RAP1GAP2: variants seen among roughly 807,000 people sequenced by gnomAD.
RAP1GAP2 encodes rap1 GTPase-activating protein 2.
Under a neutral mutation model 95.0 loss-of-function variants are expected in RAP1GAP2, and 27 were observed. The ratio of observed to expected loss-of-function variants is 0.28; its 90% CI spans 0.21 to 0.39. The LOEUF is 0.39. RAP1GAP2 is among the 10% of genes least tolerant of loss of function. The pLI is 1.00. For missense variants in RAP1GAP2, 771 were observed against 970.0 expected (o/e 0.79, Z 2.72); for synonymous variants, 373 against 380.9 (o/e 0.98, Z 0.24).
chr17:3,005,462 C>A lies in RAP1GAP2; in HGVS notation c.1272+22C>A, dbSNP rs763792142. 1.9e-6 allele frequency: 3 copies of A among 1,598,228 alleles called. No individual in the cohort carries two copies. The highest frequency in any genetic ancestry group is 2.6e-6 in the Non-Finnish European group (3 of 1,165,718). On this transcript the variant is annotated intron_variant, in intron 15 of 24. Transcript: ENST00000254695. This position sits in a 1 kb window ranked among gnomAD's most constrained non-coding sequence, Gnocchi z 5.2. ...GAAGGTAGGACACTCTTCCTTCTGCCCCTCTCGCATCCACGATGCCAGGTC... is the reference window on the plus strand; with the variant it reads ...GAAGGTAGGACACTCTTCCTTCTGCACCTCTCGCATCCACGATGCCAGGTC...
chr17:2,917,832 C>G (rs1400354416), intron 3 of RAP1GAP2, among the ~76,000 whole-genome samples: 1 of 152,100 alleles, frequency 6.6e-6, no homozygotes, highest in Non-Finnish European at 1.5e-5. Context: ...TCTCCTGCCT[C>G]AGCTTCCCAA....
chr17:2,874,242 C>T (rs781190054), intron 2 of RAP1GAP2, among the ~76,000 whole-genome samples: 2 of 152,182 alleles, frequency 1.3e-5, no homozygotes, highest in Non-Finnish European at 2.9e-5. Context: ...GTACACCCTC[C>T]CTCCCCTTTC....
intron 13 of RAP1GAP2, among the ~76,000 whole-genome samples, chr17:2,995,672 C>A (rs2045928025): frequency 6.6e-6 from 1 of 152,238 alleles, no homozygotes; most frequent in Non-Finnish European, 1.5e-5. Flanking sequence ...GTGTTTCTGG[C>A]CGAGGCCACA....
chr17:2,913,187 GAAAA>G (rs961144824), intron 3 of RAP1GAP2, among the ~76,000 whole-genome samples: 1 of 147,666 alleles, frequency 6.8e-6, no homozygotes, highest in East Asian at 2.2e-4. Flanking sequence ...CAAAAAAAAA[GAAAA>G]AGAAAACATG....
intron 2 of RAP1GAP2, among the ~76,000 whole-genome samples, chr17:2,829,720 G>A (rs1361215232): frequency 6.6e-6 from 1 of 152,150 alleles, no homozygotes; most frequent in African/African-American, 2.4e-5. Context: ...GTGGCCTCCT[G>A]GCTGTCGGAT....
chr17:2,979,528 A>G (rs756032906), intron 8 of RAP1GAP2, among the ~76,000 whole-genome samples: 73 of 140,546 alleles, frequency 5.2e-4, no homozygotes, highest in Non-Finnish European at 7.6e-4. Context: ...GTGCAGTGGC[A>G]CAATCTCGGC....
chr17:2,915,859 G>A (rs1353426931), intron 3 of RAP1GAP2, among the ~76,000 whole-genome samples: 2 of 151,920 alleles, frequency 1.3e-5, no homozygotes, highest in Admixed American at 6.6e-5. Context: ...CACCACACCT[G>A]GCTGATTTTT....
chr17:2,821,605 C>T (rs905474329), intron 2 of RAP1GAP2, among the ~76,000 whole-genome samples: 1 of 151,380 alleles, frequency 6.6e-6, no homozygotes, highest in Admixed American at 6.6e-5. Flanking sequence ...AACTCCTGGT[C>T]TCAAGCAATC....
chr17:2,893,688 C>T (rs8065651), intron 2 of RAP1GAP2, among the ~76,000 whole-genome samples: 94,612 of 152,104 alleles, frequency 0.62, 29,731 homozygotes, highest in South Asian at 0.72. Context: ...CGCTGGCTGC[C>T]TCTGCTCTGA....
At chr17:2,958,375 T>C (rs1291883500) in intron 4 of RAP1GAP2, among the ~76,000 whole-genome samples, 2 of 152,056 alleles carry the variant, frequency 1.3e-5, no homozygotes, top group African/African-American at 4.8e-5. Context: ...GGGTTCTTCG[T>C]TGTTCCTCAC....
chr17:3,005,493 G>C lies in RAP1GAP2; in HGVS notation c.1272+53G>C, dbSNP rs542778137. Reference sequence around the variant, plus strand: ...CGCATCCACGATGCCAGGTCTCAGTGCTTGAGTAGCAATGGTTGGGATGGA... The same window carrying C: ...CGCATCCACGATGCCAGGTCTCAGTCCTTGAGTAGCAATGGTTGGGATGGA... On this transcript the variant is annotated intron_variant, in intron 15 of 24. Transcript: ENST00000254695. This position sits in a 1 kb window ranked among gnomAD's most constrained non-coding sequence, Gnocchi z 5.2. 1.1e-4 allele frequency: 178 copies of C among 1,552,238 alleles called. 2 individuals are homozygous for C. The South Asian group carries it at 1.9e-3, about 17-fold the overall frequency.
chr17:2,899,079 C>A (rs2041936774), intron 2 of RAP1GAP2, among the ~76,000 whole-genome samples: 1 of 152,222 alleles, frequency 6.6e-6, no homozygotes, highest in African/African-American at 2.4e-5. Context: ...GCCTTTTGTG[C>A]CTGGCTCCTG....
At chr17:2,811,589 GT>G (rs1170577182) in intron 2 of RAP1GAP2, among the ~76,000 whole-genome samples, 19 of 151,816 alleles carry the variant, frequency 1.3e-4, no homozygotes, top group Admixed American at 9.2e-4. Flanking sequence ...TTGTTTTTTT[GT>G]TTTTTGAGAC....
intron 1 of RAP1GAP2, among the ~76,000 whole-genome samples, chr17:2,778,158 T>G (rs1374777879): frequency 7.4e-6 from 1 of 134,882 alleles, no homozygotes; most frequent in Non-Finnish European, 1.6e-5. Context: ...CAAGCTGTGG[T>G]GCTGGGTTTT....
chr17:2,771,385 G>A (rs2068389923), intron 2 of RAP1GAP2, among the ~76,000 whole-genome samples: 1 of 152,004 alleles, frequency 6.6e-6, no homozygotes. Flanking sequence ...CACAACAGAG[G>A]CGTCCTGGCA....
intron 2 of RAP1GAP2, among the ~76,000 whole-genome samples, chr17:2,807,358 A>G (rs938906208): frequency 5.9e-5 from 9 of 152,142 alleles, no homozygotes; most frequent in Non-Finnish European, 1.0e-4. Flanking sequence ...AACTCATCTT[A>G]GTCTGCTCTT....
chr17:2,999,557 A>G (rs1390000444), intron 14 of RAP1GAP2, among the ~76,000 whole-genome samples: 1 of 152,196 alleles, frequency 6.6e-6, no homozygotes, highest in Non-Finnish European at 1.5e-5. Context: ...ATTTCAGCCC[A>G]TCCTGATTCC....
chr17:2,899,702 G>A (rs1178330921), intron 2 of RAP1GAP2, among the ~76,000 whole-genome samples: 1 of 151,874 alleles, frequency 6.6e-6, no homozygotes, highest in African/African-American at 2.4e-5. Flanking sequence ...AGTGAGATGG[G>A]GTTTCGCCAT....
chr17:3,018,169 A>G lies in RAP1GAP2; in HGVS notation c.1603A>G (p.Ser535Gly), dbSNP rs1230910727. The change falls in exon 18 of 25, where the codon AGC becomes GGC. Residue 535 changes from serine (S) to glycine (G), a missense_variant. Ser to Gly is a moderately conservative substitution (Grantham distance 56). Transcript: ENST00000254695. The stretch of plus-strand genomic sequence containing the variant: ...CCTCAGCGGGGGCATCTCCCACAAC[A>G]GCATGGAGGTCACCAAGACCACCTT... ...GSLSGGISHN[S>G]MEVTKTTFSP... The G allele has an allele frequency of 5.7e-6, 9 of 1,578,110 alleles. No individual in the cohort carries two copies. Among genetic ancestry groups the G allele is most frequent in the Non-Finnish European group, 7.7e-6 (9 of 1,162,580 alleles).
Sources: allele counts gnomAD v4.1 joint callset (sites outside exome capture counted in the v4.1 genomes callset), GRCh38; gene constraint gnomAD v4.1.1; non-coding constraint Gnocchi (gnomAD v3.1); transcripts MANE v1.5; gene names NCBI Gene and HGNC (gene_info 2026-07-23, HGNC 2026-07-21).